ATRX: variants seen among roughly 807,000 people sequenced by gnomAD.
ATRX encodes the protein chromatin remodeler ATRX.
Under a neutral mutation model 172.6 loss-of-function variants are expected in ATRX, and 12 were observed. The observed-to-expected ratio is 0.07, with a 90% CI of 0.04 to 0.11. ATRX has a LOEUF of 0.11. ATRX is among the 10% of genes least tolerant of loss of function. The pLI, the probability that ATRX is intolerant of heterozygous loss-of-function variation, is 1.00. For synonymous variants in ATRX, 674 were observed against 594.7 expected (o/e 1.13, Z -1.94); for missense variants, 1,368 against 1,767.4 (o/e 0.77, Z 4.05).
chrX:77,630,689 A>C, intron 19 of ATRX, among the ~76,000 whole-genome samples: 1 of 112,133 alleles, frequency 8.9e-6, no homozygotes. Context: ...ATCAAAATAC[A>C]AAAAATGAAG....
chrX:77,754,084 T>C (rs2075399937), intron 1 of ATRX, among the ~76,000 whole-genome samples: 1 of 112,144 alleles, frequency 8.9e-6, no homozygotes, highest in Non-Finnish European at 1.9e-5. Flanking sequence ...TTAACCATTA[T>C]GTAATGCCCT....
chrX:77,732,618 G>A (rs782741459), intron 1 of ATRX, among the ~76,000 whole-genome samples: 1 of 111,800 alleles, frequency 8.9e-6, no homozygotes, highest in Non-Finnish European at 1.9e-5. Flanking sequence ...TGCAAGAGGG[G>A]ATCAATATAT....
chrX:77,738,006 CATTT>C (rs2074677774), intron 1 of ATRX, among the ~76,000 whole-genome samples: 1 of 111,446 alleles, frequency 9.0e-6, no homozygotes, highest in African/African-American at 3.3e-5. Context: ...CTCAGAAAGA[CATTT>C]ATTTGCTGAA....
intron 1 of ATRX, among the ~76,000 whole-genome samples, chrX:77,737,520 T>A (rs1344950801): frequency 9.3e-6 from 1 of 107,022 alleles, no homozygotes; most frequent in African/African-American, 3.4e-5. Context: ...TAATTAATCA[T>A]TTGAGGTCAG....
intron 6 of ATRX, 88 bp downstream of exon 6, chrX:77,693,736 T>A (rs2072034058): frequency 2.9e-6 from 2 of 683,385 alleles, no homozygotes; most frequent in Non-Finnish European, 4.7e-6. Context: ...GGCAGAAAAG[T>A]GGAGGTATTT....
At chrX:77,733,899 A>T (rs976709183) in intron 1 of ATRX, among the ~76,000 whole-genome samples, 2 of 106,353 alleles carry the variant, frequency 1.9e-5, no homozygotes, top group Non-Finnish European at 3.9e-5. Flanking sequence ...AATAAATAAA[A>T]TAAATAAAAT....
chrX:77,677,982 G>T (rs1350736172), intron 9 of ATRX, among the ~76,000 whole-genome samples: 1 of 110,948 alleles, frequency 9.0e-6, no homozygotes, highest in South Asian at 3.8e-4. Context: ...TGAGGCAGGC[G>T]GATCACTTGA....
chrX:77,667,136 A>T (rs532349455), intron 10 of ATRX, among the ~76,000 whole-genome samples: 1 of 111,007 alleles, frequency 9.0e-6, no homozygotes, highest in South Asian at 3.7e-4. Flanking sequence ...AAGATACTAA[A>T]ATAAAATGTT....
intron 30 of ATRX, among the ~76,000 whole-genome samples, chrX:77,548,422 C>T (rs1464381883): frequency 1.8e-5 from 2 of 110,980 alleles, no homozygotes; most frequent in Non-Finnish European, 3.8e-5. Flanking sequence ...AAAAAAAAGG[C>T]AAAGAAGTAG....
chrX:77,666,859 GA>G (rs1206506784), intron 10 of ATRX, among the ~76,000 whole-genome samples: 5 of 106,227 alleles, frequency 4.7e-5, no homozygotes, highest in South Asian at 3.9e-4. Flanking sequence ...TGTCTCAAAA[GA>G]AAAAAAAAAT....
chrX:77,616,100 T>C lies in ATRX; in HGVS notation c.5566+513A>G, dbSNP rs192123360. On this transcript the variant is annotated intron_variant, in intron 22 of 34. Transcript: ENST00000373344. ...TTAAAGCATAGAAAAATACAAGAAATAAACTAGAAGGTCTTCATAACAAAA... is the reference window on the plus strand; with the variant it reads ...TTAAAGCATAGAAAAATACAAGAAACAAACTAGAAGGTCTTCATAACAAAA... 5.5e-4 allele frequency: 426 copies of C among 772,157 alleles called. 1 individual carries two copies. The African/African-American group carries it at 9.1e-3, about 17-fold the overall frequency. The allele number at this position is 772,157 out of a possible 1,213,427, so 63.6% of individuals were successfully genotyped here.
chrX:77,683,706 A>C lies in ATRX; in HGVS notation c.1550T>G (p.Ile517Ser), dbSNP rs1351637644. Residue 517 changes from isoleucine (I) to serine (S), a missense_variant, in exon 9 of 35, where the codon ATT becomes AGT. Coordinates refer to ENST00000373344, the MANE Select transcript of ATRX (RefSeq NM_000489.6). ...ANTSEDLDMDIVSVPSSVPED... is the reference protein window; with the variant it reads ...ANTSEDLDMDSVSVPSSVPED... Reference sequence around the variant, plus strand: ...TGGAACTGAGGAAGGAACAGACACAATATCCATGTCTAAATCTTCAGAAGT... The same window carrying C: ...TGGAACTGAGGAAGGAACAGACACACTATCCATGTCTAAATCTTCAGAAGT... The C allele has an allele frequency of 8.3e-7, 1 of 1,209,602 alleles. No homozygotes were observed.
At chrX:77,696,836 G>T in intron 4 of ATRX, 132 bp from the exon 5 acceptor site, 1 of 626,494 alleles carries the variant, frequency 1.6e-6, no homozygotes, top group Non-Finnish European at 2.5e-6. Context: ...ACCTAGGGAA[G>T]CATGTATGTC....
At chrX:77,610,963 T>C (rs782151156) in intron 22 of ATRX, among the ~76,000 whole-genome samples, 13 of 108,312 alleles carry the variant, frequency 1.2e-4, no homozygotes, top group African/African-American at 4.0e-4. Flanking sequence ...TAAATATATA[T>C]ATATAGTATA....
chrX:77,541,005 C>CA (rs1375196631), intron 30 of ATRX, among the ~76,000 whole-genome samples: 7 of 110,342 alleles, frequency 6.3e-5, no homozygotes, highest in African/African-American at 1.3e-4. Context: ...AAAAAACCTT[C>CA]AAAAAAAATC....
chrX:77,518,896 GAAGA>G (rs1298800002), intron 34 of ATRX, among the ~76,000 whole-genome samples: 1 of 111,869 alleles, frequency 8.9e-6, no homozygotes, highest in Non-Finnish European at 1.9e-5. Context: ...AACATGCATT[GAAGA>G]AAGGACAGTC....
chrX:77,517,270 G>A (rs1452209620), intron 34 of ATRX, among the ~76,000 whole-genome samples: 2 of 111,416 alleles, frequency 1.8e-5, no homozygotes, highest in Non-Finnish European at 3.8e-5. Context: ...AAACAAAACT[G>A]ACAAACCATT....
At chrX:77,732,481 CAA>C (rs2074338831) in intron 1 of ATRX, among the ~76,000 whole-genome samples, 1 of 111,639 alleles carries the variant, frequency 9.0e-6, no homozygotes. Context: ...AAAAACACAT[CAA>C]AAAAAGAAAA....
intron 1 of ATRX, among the ~76,000 whole-genome samples, chrX:77,784,417 T>C (rs1186239063): frequency 8.9e-6 from 1 of 112,535 alleles, no homozygotes; most frequent in African/African-American, 3.2e-5. Flanking sequence ...ATACGTAATT[T>C]GTTCATTCTA....
Sources: allele counts gnomAD v4.1 joint callset (sites outside exome capture counted in the v4.1 genomes callset), GRCh38; gene constraint gnomAD v4.1.1; transcripts MANE v1.5; gene names NCBI Gene and HGNC (gene_info 2026-07-23, HGNC 2026-07-21).